The following WDR27 variants were observed in gnomAD, a reference collection of about 807,000 sequenced individuals.
WDR27 encodes the protein WD repeat-containing protein 27.
WDR27 carries 100 observed loss-of-function variants against 114.4 expected under a neutral mutation model. The ratio of observed to expected loss-of-function variants is 0.87; its 90% CI spans 0.74 to 1.03. The LOEUF (loss-of-function observed/expected upper bound fraction) is 1.03, where lower values mean the gene tolerates loss of function less well. Among genes scored for constraint, WDR27 ranks in the 50% least tolerant of loss-of-function variants. The pLI is 0.00. For synonymous variants in WDR27, 449 were observed against 423.1 expected, an observed-to-expected ratio of 1.06 and a Z score of -0.75; for missense variants, 1,129 against 1,092.9, an observed-to-expected ratio of 1.03 and a Z score of -0.47.
At chr6:169,561,289 C>T (rs1252673969) in intron 25 of WDR27, among the ~76,000 whole-genome samples, 6 of 152,084 alleles carry the variant, frequency 3.9e-5, no homozygotes, top group African/African-American at 1.4e-4. Flanking sequence ...GAGGCTCTTC[C>T]CTCATGACCT....
the WDR27 span, among the ~76,000 whole-genome samples, chr6:169,429,868 AGG>A: frequency 6.6e-5 from 10 of 152,198 alleles, no homozygotes; most frequent in East Asian, 1.9e-3. Flanking sequence ...CTGTGGGTTT[AGG>A]TGGTAGTGTC....
At chr6:169,629,107 A>C (rs2128210961) in intron 21 of WDR27, among the ~76,000 whole-genome samples, 1 of 152,370 alleles carries the variant, frequency 6.6e-6, no homozygotes, top group Non-Finnish European at 1.5e-5. Flanking sequence ...TTACAAAATC[A>C]CACCAAATAG....
chr6:169,470,312 A>T (rs565797658), intron 25 of WDR27, among the ~76,000 whole-genome samples: 1 of 152,244 alleles, frequency 6.6e-6, no homozygotes, highest in Admixed American at 6.5e-5. Flanking sequence ...CACCAGAGTC[A>T]CCACTATTGT....
At chr6:169,546,327 G>A (rs1797452337) in intron 25 of WDR27, among the ~76,000 whole-genome samples, 1 of 152,196 alleles carries the variant, frequency 6.6e-6, no homozygotes, top group African/African-American at 2.4e-5. Context: ...GTACAGCAGC[G>A]TTCACGGCAG....
chr6:169,524,384 C>A (rs1030152874), intron 25 of WDR27, among the ~76,000 whole-genome samples: 7 of 152,074 alleles, frequency 4.6e-5, no homozygotes, highest in Non-Finnish European at 8.8e-5. Flanking sequence ...CAATGCAATT[C>A]CTATTAAAAT....
At chr6:169,665,588 T>TGTAA in intron 6 of WDR27, 32 bp from the exon 7 acceptor site, 1 of 1,604,130 alleles carries the variant, frequency 6.2e-7, no homozygotes, top group Non-Finnish European at 8.5e-7. Context: ...AATTTAGCTT[T>TGTAA]GTAAGTGCCT....
intron 25 of WDR27, among the ~76,000 whole-genome samples, chr6:169,505,140 G>T (rs1409915327): frequency 6.6e-6 from 1 of 152,104 alleles, no homozygotes; most frequent in African/African-American, 2.4e-5. Context: ...TTTTCCTTTG[G>T]AGATGAATGT....
intron 20 of WDR27, among the ~76,000 whole-genome samples, chr6:169,634,031 A>C (rs1413477285): frequency 6.6e-6 from 1 of 152,224 alleles, no homozygotes; most frequent in Non-Finnish European, 1.5e-5. Flanking sequence ...TAGCCATAAA[A>C]ATCTCAAAAA....
intron 25 of WDR27, among the ~76,000 whole-genome samples, chr6:169,502,001 G>A (rs2115486554): frequency 6.6e-6 from 1 of 152,352 alleles, no homozygotes; most frequent in African/African-American, 2.4e-5. Context: ...GATCGCTCCA[G>A]TGTGACACGG....
chr6:169,475,554 T>C (rs1787034458), intron 25 of WDR27, among the ~76,000 whole-genome samples: 1 of 152,350 alleles, frequency 6.6e-6, no homozygotes, highest in Non-Finnish European at 1.5e-5. Context: ...TACCTTTCAA[T>C]TGAGATATTT....
chr6:169,667,026 A>G (rs1326259639), intron 6 of WDR27, 110 bp downstream of exon 6: 2 of 1,328,538 alleles, frequency 1.5e-6, no homozygotes, highest in Non-Finnish European at 1.9e-6. Flanking sequence ...AGATTGCCTC[A>G]TTCAGATCCA....
At chr6:169,437,205 C>A in the WDR27 span, among the ~76,000 whole-genome samples, 1 of 152,040 alleles carries the variant, frequency 6.6e-6, no homozygotes, top group Non-Finnish European at 1.5e-5. Context: ...AAGGATGGAT[C>A]TTATAAAGTG....
intron 17 of WDR27, among the ~76,000 whole-genome samples, chr6:169,639,417 A>C (rs1426090766): frequency 6.6e-6 from 1 of 152,084 alleles, no homozygotes; most frequent in Non-Finnish European, 1.5e-5. Flanking sequence ...AAATCTGTGG[A>C]CTCCATGATA....
chr6:169,451,299 G>T, the WDR27 span, among the ~76,000 whole-genome samples: 1 of 152,156 alleles, frequency 6.6e-6, no homozygotes, highest in Admixed American at 6.5e-5. Context: ...GCTTTGACTT[G>T]TCCTGTCTTT....
At chr6:169,692,082 C>G (rs1428271754) in intron 1 of WDR27, among the ~76,000 whole-genome samples, 7 of 144,924 alleles carry the variant, frequency 4.8e-5, no homozygotes, top group South Asian at 4.5e-4. Flanking sequence ...CCAAACACCC[C>G]CACTGGGGAA....
intron 25 of WDR27, among the ~76,000 whole-genome samples, chr6:169,471,502 A>G (rs1041937932): frequency 1.3e-5 from 2 of 152,220 alleles, no homozygotes. Flanking sequence ...GGAAAAGCGA[A>G]TAAAGTTATT....
In WDR27 at chr6:169,636,487, A is replaced by G. The variant is rs1478548569; in HGVS notation, c.1887T>C (p.Ser629=). Reference sequence around the variant, plus strand: ...AGAACTGTGCAGACTGTATAGGTTTAGAAAACATGTCTTTGCCCTGTAATG... The same window carrying G: ...AGAACTGTGCAGACTGTATAGGTTTGGAAAACATGTCTTTGCCCTGTAATG... The part of the protein sequence containing the change: ...LALLLGKDMF[S]KPIQSAQFYY... Residue 629 remains serine (S), a synonymous_variant, in exon 19 of 26, where the codon TCT becomes TCC. Transcript: ENST00000448612. The G allele has an allele frequency of 1.9e-6, 3 of 1,609,844 alleles. No individual in the cohort carries two copies.
chr6:169,427,429 T>G, the WDR27 span, among the ~76,000 whole-genome samples: 3,040 of 125,118 alleles, frequency 0.024, 65 homozygotes, highest in East Asian at 0.069. Flanking sequence ...ACTCAGCGCC[T>G]AGGACCGTGG....
At chr6:169,649,029 T>G (rs949379650) in intron 15 of WDR27, among the ~76,000 whole-genome samples, 169 bp downstream of exon 15, 2 of 152,222 alleles carry the variant, frequency 1.3e-5, no homozygotes, top group Non-Finnish European at 2.9e-5. Flanking sequence ...GGAAAGAAAT[T>G]TGGCTAAAAA....
Sources: gnomAD v4.1 joint callset for allele counts (sites outside exome capture counted in the v4.1 genomes callset) on GRCh38, gnomAD v4.1.1 for gene constraint, MANE v1.5 for transcripts, NCBI Gene and HGNC (gene_info 2026-07-23, HGNC 2026-07-21) for gene names.